The following GMDS variants were observed in gnomAD, a reference collection of about 807,000 sequenced individuals.
The protein encoded by GMDS is GDP-mannose 4,6-dehydratase.
Under a neutral mutation model 49.9 loss-of-function variants are expected in GMDS, and 20 were observed. The ratio of observed to expected loss-of-function variants is 0.40; its 90% CI spans 0.28 to 0.58. The LOEUF (loss-of-function observed/expected upper bound fraction) is 0.58, where lower values mean the gene tolerates loss of function less well. Among genes scored for constraint, GMDS ranks in the 20% least tolerant of loss-of-function variants. The pLI is 0.42. For synonymous variants in GMDS, 177 were observed against 178.6 expected (o/e 0.99, Z 0.07); for missense variants, 362 against 481.4 (o/e 0.75, Z 2.32).
intron 7 of GMDS, among the ~76,000 whole-genome samples, chr6:1,864,186 T>C (rs1190011722): frequency 6.6e-6 from 1 of 152,196 alleles, no homozygotes; most frequent in African/African-American, 2.4e-5. Context: ...CATTACTACA[T>C]AAAATGATAC....
chr6:2,202,410 G>A (rs1231424885), intron 1 of GMDS, among the ~76,000 whole-genome samples: 2 of 149,366 alleles, frequency 1.3e-5, no homozygotes, highest in African/African-American at 4.9e-5. Context: ...GCACAGTCGA[G>A]TAAGACTGCT....
intron 4 of GMDS, among the ~76,000 whole-genome samples, chr6:2,008,227 C>T (rs1413618908): frequency 1.3e-5 from 2 of 152,148 alleles, no homozygotes; most frequent in African/African-American, 4.8e-5. Flanking sequence ...GCAACATTTT[C>T]TTAGCACTAA....
intron 8 of GMDS, among the ~76,000 whole-genome samples, chr6:1,736,556 G>A (rs1243545625): frequency 1.3e-5 from 2 of 152,150 alleles, no homozygotes; most frequent in Non-Finnish European, 2.9e-5. Context: ...TTTGAGTGAC[G>A]ATGAATGAAG....
intron 4 of GMDS, among the ~76,000 whole-genome samples, chr6:1,998,630 A>G (rs919237313): frequency 6.6e-6 from 1 of 152,222 alleles, no homozygotes; most frequent in East Asian, 1.9e-4. Context: ...AATAAAAAGT[A>G]TTACTTTTTA....
intron 9 of GMDS, among the ~76,000 whole-genome samples, chr6:1,702,600 T>G (rs1473037752): frequency 6.6e-6 from 1 of 152,236 alleles, no homozygotes; most frequent in Non-Finnish European, 1.5e-5. Context: ...CACCACGTTG[T>G]CCCTCTGTGG....
chr6:2,203,686 A>C (rs922445677), intron 1 of GMDS, among the ~76,000 whole-genome samples: 3 of 152,246 alleles, frequency 2.0e-5, no homozygotes, highest in African/African-American at 7.2e-5. Context: ...TTAAAATAGA[A>C]TCTAACTGGT....
intron 7 of GMDS, among the ~76,000 whole-genome samples, chr6:1,929,880 T>C (rs1762207427): frequency 6.6e-6 from 1 of 152,320 alleles, no homozygotes; most frequent in East Asian, 1.9e-4. Flanking sequence ...TTGTGAAAGT[T>C]TTCCTCATTC....
intron 1 of GMDS, among the ~76,000 whole-genome samples, chr6:2,206,819 A>G (rs576147789): frequency 2.0e-5 from 3 of 152,144 alleles, no homozygotes; most frequent in Non-Finnish European, 4.4e-5. Context: ...AAGTATTTCC[A>G]GGTATATTTG....
At chr6:2,148,908 G>C (rs564349295) in intron 1 of GMDS, among the ~76,000 whole-genome samples, 1 of 152,142 alleles carries the variant, frequency 6.6e-6, no homozygotes, top group Non-Finnish European at 1.5e-5. Flanking sequence ...TGCTCATCTG[G>C]ACTGCACTGT....
intron 9 of GMDS, among the ~76,000 whole-genome samples, chr6:1,691,085 A>G (rs1411544127): frequency 6.6e-6 from 1 of 152,272 alleles, no homozygotes; most frequent in African/African-American, 2.4e-5. Flanking sequence ...TGCTAGTCAC[A>G]ATAGCAAAGA....
chr6:1,918,226 G>T (rs890172056), intron 7 of GMDS, among the ~76,000 whole-genome samples: 9 of 152,044 alleles, frequency 5.9e-5, no homozygotes, highest in Non-Finnish European at 1.2e-4. Context: ...CTCTCTAGAA[G>T]AATCCTCTAA....
At chr6:2,241,435 G>C (rs528375901) in intron 1 of GMDS, among the ~76,000 whole-genome samples, 1 of 152,102 alleles carries the variant, frequency 6.6e-6, no homozygotes, top group African/African-American at 2.4e-5. Flanking sequence ...GATGAGATCT[G>C]GGGGGTCAGG....
At position 1,938,246 on chromosome 6, in the gene GMDS, G is replaced by A. The variant is rs372032909; in HGVS notation, c.644-8016C>T. ...TAGCTCCCTGGGTCTCCTTCTTCAG[G>A]GGAATATACATCTTCTTATAATTTC... is the stretch of plus-strand genomic sequence containing the variant. On this transcript the variant is annotated intron_variant, in intron 6 of 10. Coordinates refer to ENST00000380815, the MANE Select transcript of GMDS (RefSeq NM_001500.4). Among the ~76,000 whole-genome samples, 40 of 152,176 alleles carry A rather than the reference G, an allele frequency of 2.6e-4. No individual in the cohort carries two copies. The East Asian group carries it at 6.6e-3, about 25-fold the overall frequency.
rs1422744928 is a variant in GMDS, at chr6:1,960,909, G to C, written c.403C>G (p.Leu135Val). 9.3e-6 allele frequency: 15 copies of C among 1,606,556 alleles called. No individual in the cohort carries two copies. The highest frequency in any genetic ancestry group is 1.3e-5 in the Non-Finnish European group (15 of 1,174,064). Residue 135 changes from leucine (L) to valine (V), a missense_variant, in exon 5 of 11, where the codon CTT becomes GTT. Leu to Val is a conservative substitution (Grantham distance 32, BLOSUM62 1). Transcript: ENST00000380815. ...ADVDGVGTLR[L>V]LDAVKTCGLI... is the part of the protein sequence containing the mutation. ...CCACAAGTCTTAACTGCATCTAGAA[G>C]TCGTAGAGTGCCAACTCCGTCAACG...
At chr6:2,023,436 GA>G (rs977636296) in intron 4 of GMDS, among the ~76,000 whole-genome samples, 2 of 152,250 alleles carry the variant, frequency 1.3e-5, no homozygotes, top group African/African-American at 4.8e-5. Context: ...TGAAACAGGT[GA>G]AACCTGAGGA....
At chr6:2,166,456 T>C (rs1777674637) in intron 1 of GMDS, among the ~76,000 whole-genome samples, 1 of 152,172 alleles carries the variant, frequency 6.6e-6, no homozygotes, top group African/African-American at 2.4e-5. Context: ...TGTAAGAATA[T>C]TTTCATTGTA....
chr6:2,182,507 T>C (rs1778598129), intron 1 of GMDS, among the ~76,000 whole-genome samples: 1 of 152,204 alleles, frequency 6.6e-6, no homozygotes, highest in Admixed American at 6.5e-5. Flanking sequence ...AGGCTGACTC[T>C]CTTGTTTGGG....
chr6:1,953,460 C>T (rs1257641725), intron 6 of GMDS, among the ~76,000 whole-genome samples: 1 of 151,998 alleles, frequency 6.6e-6, no homozygotes, highest in Non-Finnish European at 1.5e-5. Context: ...ATTTTTTGTT[C>T]CCTCTTAATT....
chr6:2,064,537 G>A lies in GMDS; in HGVS notation c.345+51234C>T, dbSNP rs139310231. On this transcript the variant is annotated intron_variant, in intron 4 of 10. Transcript: ENST00000380815. ...TTGTGTCCATGTGAAGGGAAAACCT[G>A]TTTTTTCCCCCACCTAGGATCCCAA... 4.7e-3 allele frequency among the ~76,000 whole-genome samples: 723 copies of A among 152,236 alleles called. 10 individuals are homozygous for A. Among genetic ancestry groups the A allele is most frequent in the Middle Eastern group, 0.037 (11 of 294 alleles).
Sources: gnomAD v4.1 joint callset for allele counts (sites outside exome capture counted in the v4.1 genomes callset) on GRCh38, gnomAD v4.1.1 for gene constraint, MANE v1.5 for transcripts, NCBI Gene and HGNC (gene_info 2026-07-23, HGNC 2026-07-21) for gene names.